The following CCDC178 variants were observed in gnomAD, a reference collection of about 807,000 sequenced individuals.
CCDC178 encodes the protein coiled-coil domain-containing protein 178.
Under a neutral mutation model 117.4 loss-of-function variants are expected in CCDC178, and 126 were observed. The ratio of observed to expected loss-of-function variants is 1.07; its 90% CI spans 0.93 to 1.24. CCDC178 has a LOEUF of 1.24. CCDC178 is among the 50% of genes most tolerant of loss of function. The pLI is 0.00. For synonymous variants in CCDC178, 283 were observed against 313.4 expected, an observed-to-expected ratio of 0.90 and a Z score of 1.02; for missense variants, 1,030 against 986.9, an observed-to-expected ratio of 1.04 and a Z score of -0.59.
At chr18:33,430,270 C>T (rs992838604) in intron 2 of CCDC178, among the ~76,000 whole-genome samples, 52 of 152,152 alleles carry the variant, frequency 3.4e-4, no homozygotes, top group African/African-American at 9.6e-4. Flanking sequence ...TATAACTGTT[C>T]GTTAGCAGTA....
intron 14 of CCDC178, among the ~76,000 whole-genome samples, chr18:33,248,009 T>A (rs1243764509): frequency 6.6e-6 from 1 of 151,704 alleles, no homozygotes; most frequent in Non-Finnish European, 1.5e-5. Flanking sequence ...ACAGACCAGA[T>A]AACAAAATCA....
At chr18:33,220,794 C>A (rs1599017439) in intron 18 of CCDC178, among the ~76,000 whole-genome samples, 1 of 152,024 alleles carries the variant, frequency 6.6e-6, no homozygotes, top group African/African-American at 2.4e-5. Flanking sequence ...GAAGATAATA[C>A]CCATGCTGGG....
chr18:32,979,242 GC>G (rs769282612), intron 21 of CCDC178, among the ~76,000 whole-genome samples: 27 of 151,718 alleles, frequency 1.8e-4, no homozygotes, highest in Non-Finnish European at 3.4e-4. Context: ...CTGCAACATT[GC>G]TTCCTGGGTT....
At chr18:33,129,439 T>A (rs1318058203) in intron 20 of CCDC178, among the ~76,000 whole-genome samples, 1 of 151,998 alleles carries the variant, frequency 6.6e-6, no homozygotes, top group East Asian at 1.9e-4. Context: ...ACTCCAGCAC[T>A]GTACAGCAAA....
intron 20 of CCDC178, among the ~76,000 whole-genome samples, chr18:33,114,534 C>G (rs1002288570): frequency 6.6e-6 from 1 of 152,012 alleles, no homozygotes; most frequent in African/African-American, 2.4e-5. Context: ...ATAGTCCATA[C>G]TTATTAATCT....
At chr18:33,057,628 A>C (rs977630266) in intron 21 of CCDC178, among the ~76,000 whole-genome samples, 10 of 151,994 alleles carry the variant, frequency 6.6e-5, no homozygotes, top group Non-Finnish European at 1.2e-4. Context: ...AGTAGATGGG[A>C]TTACAGGTGT....
At chr18:33,189,917 A>G (rs1362401090) in intron 20 of CCDC178, among the ~76,000 whole-genome samples, 1 of 152,182 alleles carries the variant, frequency 6.6e-6, no homozygotes, top group Non-Finnish European at 1.5e-5. Context: ...GGTGGTCACC[A>G]TGGTCATATA....
intron 20 of CCDC178, among the ~76,000 whole-genome samples, chr18:33,119,628 G>C (rs754996353): frequency 6.6e-6 from 1 of 152,132 alleles, no homozygotes; most frequent in African/African-American, 2.4e-5. Flanking sequence ...ACAGTGTGGC[G>C]ATTCCTCAAG....
intron 11 of CCDC178, among the ~76,000 whole-genome samples, chr18:33,310,558 T>C (rs1018253374): frequency 6.6e-6 from 1 of 151,866 alleles, no homozygotes; most frequent in Non-Finnish European, 1.5e-5. Context: ...TAGTGGCACA[T>C]GCCTGTAATC....
intron 11 of CCDC178, among the ~76,000 whole-genome samples, chr18:33,299,083 C>T (rs1216053713): frequency 6.6e-6 from 1 of 152,010 alleles, no homozygotes; most frequent in Non-Finnish European, 1.5e-5. Context: ...TATCAGAATA[C>T]CAATGACAGT....
chr18:33,150,084 C>T (rs531672834), intron 20 of CCDC178, among the ~76,000 whole-genome samples: 9 of 151,892 alleles, frequency 5.9e-5, no homozygotes, highest in African/African-American at 9.7e-5. Context: ...GAAATAAAGC[C>T]GAATACTTAC....
In CCDC178 at chr18:33,060,498, C is replaced by A. The variant is rs186516595; in HGVS notation, c.2388+32263G>T. On this transcript the variant is annotated intron_variant, in intron 21 of 22. Coordinates refer to ENST00000383096, the MANE Select transcript of CCDC178 (RefSeq NM_001105528.4). The stretch of plus-strand genomic sequence containing the variant: ...AAATAAGTAAATAAATGATTGATGT[C>A]CTCTACTTACTCTAAACAAATTTGT... Among the ~76,000 whole-genome samples the A allele has an allele frequency of 2.3e-3, 343 of 151,996 alleles. 3 individuals are homozygous for A. The Middle Eastern group carries it at 0.037, about 17-fold the overall frequency.
chr18:33,113,342 T>C (rs1014306576), intron 20 of CCDC178, among the ~76,000 whole-genome samples: 4 of 152,090 alleles, frequency 2.6e-5, no homozygotes, highest in African/African-American at 9.6e-5. Flanking sequence ...TTGGACTTTA[T>C]TTATTTTAGT....
intron 21 of CCDC178, among the ~76,000 whole-genome samples, chr18:32,981,212 G>T (rs2144715108): frequency 6.6e-6 from 1 of 152,188 alleles, no homozygotes; most frequent in Middle Eastern, 3.4e-3. Context: ...CATTAAAATT[G>T]CAGGTGGTAT....
intron 18 of CCDC178, among the ~76,000 whole-genome samples, chr18:33,219,253 A>G (rs1485965483): frequency 1.3e-5 from 2 of 152,082 alleles, no homozygotes; most frequent in Non-Finnish European, 2.9e-5. Flanking sequence ...TTAGAATGGC[A>G]ATCATTAAAA....
At chr18:33,010,854 G>A (rs1382679399) in intron 21 of CCDC178, among the ~76,000 whole-genome samples, 1 of 152,164 alleles carries the variant, frequency 6.6e-6, no homozygotes, top group Non-Finnish European at 1.5e-5. Context: ...CAATTTGGAG[G>A]TAGGTTAAAA....
chr18:33,214,628 T>C (rs1368979531), intron 19 of CCDC178, among the ~76,000 whole-genome samples: 1 of 152,042 alleles, frequency 6.6e-6, no homozygotes, highest in African/African-American at 2.4e-5. Flanking sequence ...TAAATATCTT[T>C]AAAAGTAAAT....
At chr18:33,369,474 C>T (rs2063266885) in intron 6 of CCDC178, among the ~76,000 whole-genome samples, 1 of 151,684 alleles carries the variant, frequency 6.6e-6, no homozygotes, top group Non-Finnish European at 1.5e-5. Flanking sequence ...ATTAGTTGTT[C>T]AGAAATATAA....
intron 20 of CCDC178, among the ~76,000 whole-genome samples, chr18:33,182,741 CTA>C (rs1297107087): frequency 1.3e-5 from 2 of 151,888 alleles, no homozygotes; most frequent in African/African-American, 4.8e-5. Flanking sequence ...AAGTGTAACT[CTA>C]AAATCATTTA....
Sources: allele counts gnomAD v4.1 joint callset (sites outside exome capture counted in the v4.1 genomes callset), GRCh38; gene constraint gnomAD v4.1.1; transcripts MANE v1.5; gene names NCBI Gene and HGNC (gene_info 2026-07-23, HGNC 2026-07-21).